ACKR2: variants seen among roughly 807,000 people sequenced by gnomAD.
ACKR2 encodes C-C chemokine receptor D6.
For synonymous variants in ACKR2, 207 were observed against 192.2 expected, an observed-to-expected ratio of 1.08 and a Z score of -0.64; for missense variants, 457 against 477.3, an observed-to-expected ratio of 0.96 and a Z score of 0.40.
chr3:42,837,513 C>T (rs186842135), intron 2 of ACKR2, among the ~76,000 whole-genome samples: 35 of 152,288 alleles, frequency 2.3e-4, no homozygotes, highest in African/African-American at 7.2e-4. Flanking sequence ...TGAGCCACTG[C>T]GACCAGCTGG....
chr3:42,842,351 GTATT>G (rs1701047367), intron 2 of ACKR2, among the ~76,000 whole-genome samples: 1 of 152,194 alleles, frequency 6.6e-6, no homozygotes, highest in Non-Finnish European at 1.5e-5. Flanking sequence ...ACTAGAGTGA[GTATT>G]TAAGTTTTAA....
chr3:42,828,101 T>TTTTCTTTTC (rs1553699783), intron 2 of ACKR2, among the ~76,000 whole-genome samples: 2 of 144,562 alleles, frequency 1.4e-5, no homozygotes, highest in East Asian at 4.3e-4. Context: ...TATTTTTTTT[T>TTTTCTTTTC]TTTTCTTTTC....
At chr3:42,836,191 C>T (rs1323901766) in intron 2 of ACKR2, among the ~76,000 whole-genome samples, 1 of 152,192 alleles carries the variant, frequency 6.6e-6, no homozygotes, top group Non-Finnish European at 1.5e-5. Flanking sequence ...CCACACCTCT[C>T]TCCCACCTCC....
intron 2 of ACKR2, chr3:42,851,306 GATATAC>G (rs1378566809): frequency 1.1e-6 from 1 of 949,010 alleles, no homozygotes; most frequent in Admixed American, 6.2e-5. Flanking sequence ...TTGAAAGCAG[GATATAC>G]ATAGGCTGCT....
chr3:42,818,655 G>T (rs1416777655), intron 1 of ACKR2, among the ~76,000 whole-genome samples: 1 of 152,096 alleles, frequency 6.6e-6, no homozygotes, highest in African/African-American at 2.4e-5. Context: ...TCCATCTCTC[G>T]GGTTCAAGCA....
At chr3:42,856,252 G>C in intron 2 of ACKR2, 1 of 611,470 alleles carries the variant, frequency 1.6e-6, no homozygotes, top group Non-Finnish European at 2.9e-6. Flanking sequence ...TCCTGGGGTG[G>C]GGGCAGGTCA....
intron 1 of ACKR2, among the ~76,000 whole-genome samples, chr3:42,812,085 T>C (rs1268193343): frequency 6.6e-6 from 1 of 152,236 alleles, no homozygotes; most frequent in Non-Finnish European, 1.5e-5. Flanking sequence ...CTGGGACCAC[T>C]GTTCTTTCTC....
At chr3:42,843,035 T>C (rs1337774453) in intron 2 of ACKR2, among the ~76,000 whole-genome samples, 1 of 40,164 alleles carries the variant, frequency 2.5e-5, no homozygotes, top group East Asian at 1.9e-3. Context: ...CATGTCTAGC[T>C]ATTTATTTAT....
At chr3:42,827,204 T>G (rs1345865739) in intron 2 of ACKR2, among the ~76,000 whole-genome samples, 1 of 152,204 alleles carries the variant, frequency 6.6e-6, no homozygotes, top group Admixed American at 6.5e-5. Context: ...AGTTGTTGGG[T>G]GGAGTGTCTT....
At chr3:42,828,092 A>ATATATTTTTTTTTTTTTTTTTTTTTTT (rs1193533555) in intron 2 of ACKR2, among the ~76,000 whole-genome samples, 1 of 121,902 alleles carries the variant, frequency 8.2e-6, no homozygotes, top group Admixed American at 8.0e-5. Flanking sequence ...ATATATATAT[A>ATATATTTTTTTTTTTTTTTTTTTTTTT]TTTTTTTTTT....
In ACKR2 at chr3:42,865,150, C is replaced by T. The variant is rs2088422744; in HGVS notation, c.648C>T (p.Leu216=). The change falls in exon 3 of 3, where the codon CTC becomes CTT. Residue 216 remains leucine, a synonymous_variant. Coordinates refer to ENST00000422265, the MANE Select transcript of ACKR2 (RefSeq NM_001296.5). ...TCTTCCTCCGCTTCCAGCAGAACCT[C>T]CTAGGGTTTCTCCTTCCACTCCTTG... is the stretch of plus-strand genomic sequence containing the variant. ...WKLFLRFQQN[L]LGFLLPLLAM... is the part of the protein sequence containing the mutation. The T allele has an allele frequency of 6.2e-7, 1 of 1,613,956 alleles. No individual in the cohort carries two copies. Among genetic ancestry groups the T allele is most frequent in the Non-Finnish European group, 8.5e-7 (1 of 1,179,918 alleles).
chr3:42,813,295 G>T (rs571082185), intron 1 of ACKR2, among the ~76,000 whole-genome samples: 3 of 152,190 alleles, frequency 2.0e-5, no homozygotes, highest in South Asian at 4.2e-4. Flanking sequence ...GGTTCAGTTT[G>T]CCCTACATAA....
chr3:42,832,703 AT>A (rs1159612729), intron 2 of ACKR2, among the ~76,000 whole-genome samples: 6 of 149,704 alleles, frequency 4.0e-5, no homozygotes, highest in East Asian at 2.0e-4. Context: ...TGTCATTTTA[AT>A]TTTTTTTTTG....
chr3:42,829,392 G>T (rs1449916232), intron 2 of ACKR2, among the ~76,000 whole-genome samples: 1 of 152,176 alleles, frequency 6.6e-6, no homozygotes, highest in Non-Finnish European at 1.5e-5. Context: ...TGACTCATCA[G>T]AAATTCTCTT....
intron 2 of ACKR2, among the ~76,000 whole-genome samples, chr3:42,855,704 A>T (rs893491377): frequency 3.9e-5 from 6 of 152,068 alleles, no homozygotes; most frequent in African/African-American, 1.4e-4. Flanking sequence ...AAGTGATAGG[A>T]GGATGGTTGC....
At chr3:42,829,041 A>G (rs1252672561) in intron 2 of ACKR2, among the ~76,000 whole-genome samples, 1 of 152,194 alleles carries the variant, frequency 6.6e-6, no homozygotes, top group Non-Finnish European at 1.5e-5. Flanking sequence ...TTAAAGAGTT[A>G]GAAAAGGAAC....
Position 42,867,283 on chromosome 3 carries a change from A to C in ACKR2, c.*1626A>C, listed in dbSNP as rs1366046. 0.37 allele frequency: 61,242 copies of C among 166,900 alleles called. 12,140 individuals carry two copies. The highest frequency in any genetic ancestry group is 0.67 in the East Asian group (3,460 of 5,184). The allele number at this position is 166,900 out of a possible 1,614,324, so 10.3% of individuals were successfully genotyped here. A position where few individuals can be genotyped will look rare whatever the true frequency, so the allele number is the denominator to read the frequency against. ...GATTAAAACGGGGAACTTCATTATC[A>C]TGAGCATGGTTACTGTCTGCATTAT... On this transcript the variant is annotated 3_prime_UTR_variant, in exon 3 of 3. Coordinates refer to ENST00000422265, the MANE Select transcript of ACKR2 (RefSeq NM_001296.5).
chr3:42,832,071 A>T (rs1559686852), intron 2 of ACKR2, among the ~76,000 whole-genome samples: 1 of 152,174 alleles, frequency 6.6e-6, no homozygotes, highest in East Asian at 1.9e-4. Flanking sequence ...AACTTTGGAG[A>T]CTGAGATTTT....
At chr3:42,846,954 A>G (rs1701104849) in intron 2 of ACKR2, among the ~76,000 whole-genome samples, 1 of 152,168 alleles carries the variant, frequency 6.6e-6, no homozygotes, top group Non-Finnish European at 1.5e-5. Context: ...CACAAAGACA[A>G]TGAGCAAAAG....
Sources: gnomAD v4.1 joint callset for allele counts (sites outside exome capture counted in the v4.1 genomes callset) on GRCh38, gnomAD v4.1.1 for gene constraint, MANE v1.5 for transcripts, NCBI Gene and HGNC (gene_info 2026-07-23, HGNC 2026-07-21) for gene names.